The following FBXL7 variants were observed in gnomAD, a reference collection of about 807,000 sequenced individuals.
FBXL7 encodes the protein F-box/LRR-repeat protein 7.
In FBXL7, 12 loss-of-function variants were observed where a neutral mutation model predicts 38.3. That is an observed-to-expected ratio of 0.31 (90% CI 0.20 to 0.51). The LOEUF (loss-of-function observed/expected upper bound fraction) is 0.51, where lower values mean the gene tolerates loss of function less well. Among genes scored for constraint, FBXL7 ranks in the 20% least tolerant of loss-of-function variants. The pLI, the probability that FBXL7 is intolerant of heterozygous loss-of-function variation, is 0.98. For synonymous variants in FBXL7, 297 were observed against 300.9 expected (o/e 0.99, Z 0.13); for missense variants, 567 against 676.4 (o/e 0.84, Z 1.79).
At chr5:15,525,242 AT>A (rs1737218636) in intron 1 of FBXL7, among the ~76,000 whole-genome samples, 1 of 152,136 alleles carries the variant, frequency 6.6e-6, no homozygotes, top group African/African-American at 2.4e-5. Flanking sequence ...ATTTTTATTC[AT>A]TTTGGTACAT....
intron 2 of FBXL7, among the ~76,000 whole-genome samples, chr5:15,840,576 C>T (rs753896247): frequency 2.6e-5 from 4 of 151,974 alleles, no homozygotes; most frequent in East Asian, 1.9e-4. Context: ...GATTATTGAC[C>T]GGGCACAGTG....
In FBXL7 at chr5:15,937,510, T is replaced by G; in HGVS notation, c.*324T>G. The G allele has an allele frequency of 4.2e-6, 1 of 237,302 alleles. No individual in the cohort carries two copies. Among genetic ancestry groups the G allele is most frequent in the Non-Finnish European group, 8.3e-6 (1 of 120,972 alleles). 14.7% of individuals were successfully genotyped at this position (237,302 alleles called of 1,614,324 possible). A position where few individuals can be genotyped will look rare whatever the true frequency, so the allele number is the denominator to read the frequency against. ...CCGCTCAGGCCCCCAAGGCCGCCCT[T>G]TCCCTCGCACACAGGCCCCACCCCC... is the stretch of plus-strand genomic sequence containing the variant. On this transcript the variant is annotated 3_prime_UTR_variant, in exon 4 of 4. Transcript: ENST00000504595.
chr5:15,832,473 T>G (rs543897800), intron 2 of FBXL7, among the ~76,000 whole-genome samples: 4 of 152,166 alleles, frequency 2.6e-5, no homozygotes, highest in Non-Finnish European at 5.9e-5. Flanking sequence ...TGTGGAATAA[T>G]TACCAGAAAT....
At chr5:15,631,620 C>T (rs866275602) in intron 2 of FBXL7, among the ~76,000 whole-genome samples, 12 of 132,344 alleles carry the variant, frequency 9.1e-5, no homozygotes, top group Non-Finnish European at 1.1e-4. Context: ...TGCAGTGAGC[C>T]GAGACTGCGC....
chr5:15,849,305 G>A (rs575869640), intron 2 of FBXL7, among the ~76,000 whole-genome samples: 3 of 152,314 alleles, frequency 2.0e-5, no homozygotes, highest in South Asian at 2.1e-4. Context: ...TCTAGGAGAG[G>A]CTAATAGTCA....
intron 2 of FBXL7, among the ~76,000 whole-genome samples, chr5:15,745,566 C>T (rs1561109617): frequency 6.6e-6 from 1 of 152,108 alleles, no homozygotes; most frequent in Non-Finnish European, 1.5e-5. Flanking sequence ...CTCAGGGTAG[C>T]AGTGCTGCAT....
chr5:15,938,880 C>A lies in FBXL7; in HGVS notation c.*1694C>A. On this transcript the variant is annotated 3_prime_UTR_variant, in exon 4 of 4. Transcript: ENST00000504595. ...TTTGCTAATAAACACATGGCCCTTT[C>A]CCAGATTATTCTCTAGCCAAGCCCC... 2 of 398,038 alleles carry A rather than the reference C, an allele frequency of 5.0e-6. No individual in the cohort carries two copies. The allele number at this position is 398,038 out of a possible 1,614,324, so 24.7% of individuals were successfully genotyped here.
intron 2 of FBXL7, among the ~76,000 whole-genome samples, chr5:15,878,354 C>T (rs1010831349): frequency 6.6e-6 from 1 of 152,142 alleles, no homozygotes; most frequent in Non-Finnish European, 1.5e-5. Flanking sequence ...TGATGCCCTA[C>T]AAATAATGCC....
At chr5:15,866,519 T>C (rs1739717214) in intron 2 of FBXL7, among the ~76,000 whole-genome samples, 1 of 152,172 alleles carries the variant, frequency 6.6e-6, no homozygotes, top group African/African-American at 2.4e-5. Flanking sequence ...ACTTTATCTG[T>C]AGCTAATGCC....
At chr5:15,502,522 C>G (rs1736524475) in intron 1 of FBXL7, among the ~76,000 whole-genome samples, 1 of 152,120 alleles carries the variant, frequency 6.6e-6, no homozygotes, top group South Asian at 2.1e-4. Flanking sequence ...TAGGAAAAAC[C>G]TCTTGTGCTC....
chr5:15,789,085 C>T (rs766264055), intron 2 of FBXL7, among the ~76,000 whole-genome samples: 7 of 151,968 alleles, frequency 4.6e-5, no homozygotes, highest in East Asian at 3.9e-4. Flanking sequence ...CTCCTGACCT[C>T]GTGAACCACC....
Position 15,797,463 on chromosome 5 carries a change from C to T in FBXL7, c.128-130427C>T, listed in dbSNP as rs184158892. Among the ~76,000 whole-genome samples, 232 of 152,294 alleles carry T rather than the reference C, an allele frequency of 1.5e-3. 1 individual carries two copies. The highest frequency in any genetic ancestry group is 5.3e-3 in the African/African-American group (221 of 41,564). On this transcript the variant is annotated intron_variant, in intron 2 of 3. Transcript: ENST00000504595. ...GGAAGAAGGTACTGCTTTCTGAGAC[C>T]AGTTAGCAATAGGATCTCCCATCTT...
At chr5:15,569,536 A>G (rs1336457595) in intron 1 of FBXL7, among the ~76,000 whole-genome samples, 11 of 150,884 alleles carry the variant, frequency 7.3e-5, no homozygotes, top group African/African-American at 2.7e-4. Context: ...TCATCTGCAA[A>G]CAGGGACAAT....
At chr5:15,921,265 C>T (rs879400321) in intron 2 of FBXL7, among the ~76,000 whole-genome samples, 4 of 151,630 alleles carry the variant, frequency 2.6e-5, no homozygotes, top group Admixed American at 6.6e-5. Flanking sequence ...CCTGTAGTCC[C>T]GGCTGCTCAG....
rs34992219 is a variant in FBXL7, at chr5:15,709,541, G to GAA, written c.127+93483_127+93484dup. ...AGAGCAAGACTCTGTCTCAAAAAAA[G>GAA]AAAAAAAAAAAAAAAGCAAATCCTG... On this transcript the variant is annotated intron_variant, in intron 2 of 3. Transcript: ENST00000504595. Among the ~76,000 whole-genome samples the GAA allele has an allele frequency of 6.7e-3, 599 of 89,530 alleles. 4 individuals are homozygous for GAA. The highest frequency in any genetic ancestry group is 0.023 in the African/African-American group (566 of 24,190). The allele number at this position is 89,530 out of a possible 152,430, so 58.7% of individuals were successfully genotyped here.
chr5:15,627,180 G>A (rs1740847971), intron 2 of FBXL7, among the ~76,000 whole-genome samples: 1 of 152,176 alleles, frequency 6.6e-6, no homozygotes, highest in African/African-American at 2.4e-5. Context: ...TTTATGACAA[G>A]ATCCACTACT....
At chr5:15,736,086 G>A (rs1177412828) in intron 2 of FBXL7, among the ~76,000 whole-genome samples, 2 of 152,088 alleles carry the variant, frequency 1.3e-5, no homozygotes, top group African/African-American at 4.8e-5. Flanking sequence ...CTTTCTGGGT[G>A]TTTCATGTAA....
At chr5:15,788,128 C>A (rs189564827) in intron 2 of FBXL7, among the ~76,000 whole-genome samples, 207 of 152,242 alleles carry the variant, frequency 1.4e-3, no homozygotes, top group African/African-American at 4.8e-3. Flanking sequence ...TGTGTCCTCT[C>A]CTCTTCTTCT....
intron 2 of FBXL7, among the ~76,000 whole-genome samples, chr5:15,804,631 G>C (rs978916302): frequency 2.6e-5 from 4 of 152,126 alleles, no homozygotes; most frequent in Non-Finnish European, 4.4e-5. Flanking sequence ...GACCTGTTAG[G>C]AACCAAGCTG....
Sources: gnomAD v4.1 joint callset for allele counts (sites outside exome capture counted in the v4.1 genomes callset) on GRCh38, gnomAD v4.1.1 for gene constraint, MANE v1.5 for transcripts, NCBI Gene and HGNC (gene_info 2026-07-23, HGNC 2026-07-21) for gene names.